The following STAG1 variants were observed in gnomAD, a reference collection of about 807,000 sequenced individuals.
The protein encoded by STAG1 is STAG1 cohesin complex component.
In STAG1, 26 loss-of-function variants were observed where a neutral mutation model predicts 170.9. That is an observed-to-expected ratio of 0.15 (90% CI 0.11 to 0.21). STAG1 has a LOEUF of 0.21. Ranked by LOEUF, STAG1 falls within the 10% of genes least tolerant of loss-of-function variation. The probability of loss-of-function intolerance (pLI) is 1.00; values close to 1 mark genes in which losing one functional copy is unlikely to be tolerated. For missense variants in STAG1, 964 were observed against 1,509.5 expected, an observed-to-expected ratio of 0.64 and a Z score of 5.99; for synonymous variants, 514 against 497.7, an observed-to-expected ratio of 1.03 and a Z score of -0.44.
At chr3:136,508,115 G>C (rs1015130244) in intron 7 of STAG1, among the ~76,000 whole-genome samples, 2 of 152,168 alleles carry the variant, frequency 1.3e-5, no homozygotes, top group African/African-American at 4.8e-5. Context: ...ACTGGGGCTA[G>C]AGGAACGTGA....
intron 15 of STAG1, among the ~76,000 whole-genome samples, chr3:136,437,863 T>C (rs906791751): frequency 1.3e-5 from 2 of 152,182 alleles, no homozygotes; most frequent in African/African-American, 4.8e-5. Context: ...TTATAAGCCA[T>C]CTCCCTCTTT....
At chr3:136,494,405 T>G (rs980524335) in intron 9 of STAG1, among the ~76,000 whole-genome samples, 4 of 152,148 alleles carry the variant, frequency 2.6e-5, no homozygotes, top group Non-Finnish European at 4.4e-5. Context: ...CTACCAAACA[T>G]AGAAATATTA....
intron 4 of STAG1, among the ~76,000 whole-genome samples, chr3:136,584,571 G>C (rs938600889): frequency 1.3e-5 from 2 of 152,034 alleles, no homozygotes; most frequent in Non-Finnish European, 2.9e-5. Context: ...TTGTTTCTTG[G>C]TTCAGTGTTC....
intron 1 of STAG1, among the ~76,000 whole-genome samples, chr3:136,686,583 G>T (rs1942540493): frequency 6.6e-6 from 1 of 152,148 alleles, no homozygotes; most frequent in African/African-American, 2.4e-5. Context: ...AACAAGAACA[G>T]AGCTTAAAGA....
chr3:136,465,783 C>G (rs2089438006), intron 12 of STAG1, among the ~76,000 whole-genome samples: 1 of 152,090 alleles, frequency 6.6e-6, no homozygotes, highest in Admixed American at 6.6e-5. Flanking sequence ...ATACTAAATA[C>G]TATTCTAACA....
chr3:136,531,556 T>C (rs1041622650), intron 6 of STAG1, among the ~76,000 whole-genome samples: 8 of 151,470 alleles, frequency 5.3e-5, no homozygotes, highest in Non-Finnish European at 8.8e-5. Context: ...GTGGCACATA[T>C]ACACCATGGA....
chr3:136,454,023 T>C (rs1239148478), intron 13 of STAG1, among the ~76,000 whole-genome samples: 1 of 152,142 alleles, frequency 6.6e-6, no homozygotes, highest in Non-Finnish European at 1.5e-5. Flanking sequence ...GAGAAGGTTC[T>C]GTTTAATGGG....
chr3:136,459,812 G>T (rs901016915), intron 13 of STAG1, among the ~76,000 whole-genome samples: 7 of 152,090 alleles, frequency 4.6e-5, no homozygotes, highest in Non-Finnish European at 1.0e-4. Context: ...AAAGAAAATA[G>T]AAACACAACA....
chr3:136,659,001 T>C (rs987972598), intron 1 of STAG1, among the ~76,000 whole-genome samples: 3 of 152,204 alleles, frequency 2.0e-5, no homozygotes, highest in Admixed American at 6.5e-5. Flanking sequence ...GCAATTCTAA[T>C]CTAATTCATG....
chr3:136,693,859 C>T (rs1482081726), intron 1 of STAG1, among the ~76,000 whole-genome samples: 2 of 152,036 alleles, frequency 1.3e-5, no homozygotes, highest in African/African-American at 4.8e-5. Flanking sequence ...AGGCATTAGC[C>T]ACCATGCCTG....
chr3:136,463,708 T>A (rs2089339950), intron 13 of STAG1, among the ~76,000 whole-genome samples: 1 of 130,746 alleles, frequency 7.6e-6, no homozygotes, highest in Admixed American at 7.5e-5. Context: ...CAAGACCCCA[T>A]CTCTCTAAAA....
At chr3:136,413,181 A>G (rs2087674851) in intron 21 of STAG1, among the ~76,000 whole-genome samples, 1 of 147,638 alleles carries the variant, frequency 6.8e-6, no homozygotes, top group Non-Finnish European at 1.5e-5. Context: ...TATTTTATAT[A>G]TGCATATTAA....
At chr3:136,342,473 C>T (rs1041844882) in intron 30 of STAG1, among the ~76,000 whole-genome samples, 8 of 152,020 alleles carry the variant, frequency 5.3e-5, no homozygotes, top group African/African-American at 1.9e-4. Flanking sequence ...CATGCGCCAC[C>T]ACACCTGGCT....
chr3:136,477,249 A>G (rs1299047813), intron 10 of STAG1, 40 bp downstream of exon 10: 1 of 1,560,636 alleles, frequency 6.4e-7, no homozygotes, highest in Admixed American at 1.9e-5. Context: ...GTACTGAGAC[A>G]AACATAACTT....
chr3:136,454,345 G>A (rs1372708324), intron 13 of STAG1, among the ~76,000 whole-genome samples: 1 of 151,664 alleles, frequency 6.6e-6, no homozygotes, highest in African/African-American at 2.4e-5. Context: ...CTCCCAAAGT[G>A]CTGGGATTAC....
intron 16 of STAG1, 117 bp downstream of exon 16, chr3:136,433,439 T>C: frequency 2.7e-6 from 2 of 731,500 alleles, no homozygotes; most frequent in Non-Finnish European, 4.6e-6. Context: ...CCATAGTCCA[T>C]CATTTATAAA....
chr3:136,536,713 A>T (rs78647346), intron 6 of STAG1, among the ~76,000 whole-genome samples: 1 of 151,104 alleles, frequency 6.6e-6, no homozygotes, highest in African/African-American at 2.4e-5. Flanking sequence ...CAAAAAAAAA[A>T]AAAAAAAAAA....
At chr3:136,720,822 TG>T (rs1933216547) in intron 1 of STAG1, among the ~76,000 whole-genome samples, 1 of 151,864 alleles carries the variant, frequency 6.6e-6, no homozygotes, top group African/African-American at 2.4e-5. Flanking sequence ...AAAAGAAATC[TG>T]TGGATGTACA....
Position 136,521,380 on chromosome 3 carries a change from T to C in STAG1, c.509A>G (p.Gln170Arg). ...GDYPLTMPGPQWKKFRSNFCE... is the reference protein window; with the variant it reads ...GDYPLTMPGPRWKKFRSNFCE... Reference sequence around the variant, plus strand: ...AAAGTTTGAACGAAATTTTTTCCACTGAGGTCCAGGCATGGTAAGAGGATA... The same window carrying C: ...AAAGTTTGAACGAAATTTTTTCCACCGAGGTCCAGGCATGGTAAGAGGATA... Residue 170 changes from glutamine to arginine, a missense_variant, in exon 7 of 34, where the codon CAG becomes CGG. Gln to Arg is a conservative substitution (Grantham distance 43, BLOSUM62 1). Around this residue, in one of 11 missense-constraint regions of STAG1, gnomAD observed 40 missense variants for 44.1 expected, o/e 0.91. Transcript: ENST00000383202. 6.2e-7 allele frequency: 1 copy of C among 1,613,624 alleles called. No homozygotes were observed. The highest frequency in any genetic ancestry group is 8.5e-7 in the Non-Finnish European group (1 of 1,179,688).
Sources: gnomAD v4.1 joint callset for allele counts (sites outside exome capture counted in the v4.1 genomes callset) on GRCh38, gnomAD v4.1.1 for gene constraint, gnomAD v4.1.1 regional missense constraint, MANE v1.5 for transcripts, NCBI Gene and HGNC (gene_info 2026-07-23, HGNC 2026-07-21) for gene names.